The following RAPGEF2 variants were observed in gnomAD, a reference collection of about 807,000 sequenced individuals.
RAPGEF2 encodes the protein PDZ domain containing guanine nucleotide exchange factor (GEF) 1.
Under a neutral mutation model 186.7 loss-of-function variants are expected in RAPGEF2, and 54 were observed. The observed-to-expected ratio is 0.29, with a 90% CI of 0.23 to 0.36. The LOEUF (loss-of-function observed/expected upper bound fraction) is 0.36. Among genes scored for constraint, RAPGEF2 ranks in the 10% least tolerant of loss-of-function variants. RAPGEF2 has a pLI of 1.00. For missense variants in RAPGEF2, 1,532 were observed against 2,045.0 expected, an observed-to-expected ratio of 0.75 and a Z score of 4.84; for synonymous variants, 712 against 705.9, an observed-to-expected ratio of 1.01 and a Z score of -0.14.
chr4:159,308,239 A>G (rs989986004), intron 8 of RAPGEF2, among the ~76,000 whole-genome samples: 5 of 152,172 alleles, frequency 3.3e-5, no homozygotes, highest in Non-Finnish European at 5.9e-5. Context: ...GCATCATTTC[A>G]GTTGCTTAAG....
chr4:159,358,336 C>T lies in RAPGEF2; in HGVS notation c.*197C>T. 1 of 562,136 alleles carries T rather than the reference C, an allele frequency of 1.8e-6. No homozygotes were observed. The highest frequency in any genetic ancestry group is 3.1e-6 in the Non-Finnish European group (1 of 320,400). 34.8% of individuals were successfully genotyped at this position (562,136 alleles called of 1,614,324 possible). On this transcript the variant is annotated 3_prime_UTR_variant, in exon 30 of 30. Transcript: ENST00000691494. ...CATGTGAAATACTGTGAAGAAATTG[C>T]CCTGGCACTTTTCAGACTTTGTTGC... is the stretch of plus-strand genomic sequence containing the variant.
chr4:159,288,122 G>A (rs541117201), intron 7 of RAPGEF2, among the ~76,000 whole-genome samples: 96 of 152,290 alleles, frequency 6.3e-4, no homozygotes, highest in Non-Finnish European at 1.9e-4. Context: ...AACTAGCCAT[G>A]TATTCTCTCT....
At chr4:159,124,939 T>C (rs1740123771) in intron 1 of RAPGEF2, among the ~76,000 whole-genome samples, 1 of 152,228 alleles carries the variant, frequency 6.6e-6, no homozygotes, top group Non-Finnish European at 1.5e-5. Flanking sequence ...GATCATACAC[T>C]TTTGCTTATG....
intron 1 of RAPGEF2, among the ~76,000 whole-genome samples, chr4:159,161,669 G>A (rs1486975669): frequency 1.3e-5 from 2 of 152,092 alleles, no homozygotes; most frequent in Admixed American, 6.6e-5. Flanking sequence ...CCATGATCAC[G>A]CCACTGCACT....
chr4:159,208,933 C>T (rs1271442745), intron 3 of RAPGEF2, among the ~76,000 whole-genome samples: 2 of 151,940 alleles, frequency 1.3e-5, no homozygotes, highest in East Asian at 3.8e-4. Flanking sequence ...CCATGGCACC[C>T]AGGCTGGAGT....
intron 3 of RAPGEF2, among the ~76,000 whole-genome samples, chr4:159,203,368 G>T (rs1749645120): frequency 6.6e-6 from 1 of 152,100 alleles, no homozygotes; most frequent in Non-Finnish European, 1.5e-5. Flanking sequence ...ATATATTGGG[G>T]GTACTTAAGA....
At chr4:159,280,714 G>A (rs1759574424) in intron 7 of RAPGEF2, among the ~76,000 whole-genome samples, 1 of 152,154 alleles carries the variant, frequency 6.6e-6, no homozygotes, top group South Asian at 2.1e-4. Flanking sequence ...AGAACAAACT[G>A]GATCTATATT....
chr4:159,164,637 A>C (rs1473283230), intron 1 of RAPGEF2, among the ~76,000 whole-genome samples: 10 of 152,160 alleles, frequency 6.6e-5, no homozygotes, highest in African/African-American at 2.4e-4. Flanking sequence ...ATTGTTGATA[A>C]ATCATTTATA....
chr4:159,217,007 A>G (rs1751052311), intron 4 of RAPGEF2, among the ~76,000 whole-genome samples: 1 of 151,892 alleles, frequency 6.6e-6, no homozygotes, highest in African/African-American at 2.4e-5. Context: ...TCGCAGGCCT[A>G]CTTTCTGCTT....
chr4:159,234,848 C>CT (rs1753059489), intron 4 of RAPGEF2, among the ~76,000 whole-genome samples: 1 of 152,178 alleles, frequency 6.6e-6, no homozygotes, highest in South Asian at 2.1e-4. Flanking sequence ...TGACCTCCGT[C>CT]TCCTGAGTTC....
chr4:159,332,728 A>C, intron 17 of RAPGEF2, 31 bp downstream of exon 17: 1 of 1,600,574 alleles, frequency 6.2e-7, no homozygotes, highest in Non-Finnish European at 8.5e-7. Flanking sequence ...TCTGTGCATT[A>C]TTTTATTTTG....
rs1455086638 is a variant in RAPGEF2, at chr4:159,313,543, TA to T, written c.676-1047del. The stretch of plus-strand genomic sequence containing the variant: ...TATCAAAGTCAGTATTTTATATTTT[TA>T]TCTTTCTTTTAAAAAATATTTTTTT... On this transcript the variant is annotated intron_variant, in intron 8 of 29. Transcript: ENST00000691494. 2.0e-5 allele frequency among the ~76,000 whole-genome samples: 3 copies of T among 152,262 alleles called. No individual in the cohort carries two copies. The East Asian group carries it at 5.8e-4, about 29-fold the overall frequency.
At chr4:159,312,692 T>A (rs1764091332) in intron 8 of RAPGEF2, among the ~76,000 whole-genome samples, 1 of 152,240 alleles carries the variant, frequency 6.6e-6, no homozygotes, top group South Asian at 2.1e-4. Flanking sequence ...GTTTCTTTTT[T>A]AAATAATATA....
At chr4:159,106,341 G>A (rs894699711) in intron 1 of RAPGEF2, among the ~76,000 whole-genome samples, 15 of 152,086 alleles carry the variant, frequency 9.9e-5, no homozygotes, top group Non-Finnish European at 1.6e-4. Flanking sequence ...TGTTCGAAAT[G>A]TGAACGTTTT....
At chr4:159,321,228 A>G (rs1418452403) in intron 9 of RAPGEF2, among the ~76,000 whole-genome samples, 1 of 147,854 alleles carries the variant, frequency 6.8e-6, no homozygotes, top group Non-Finnish European at 1.5e-5. Flanking sequence ...TTTTTAAGAG[A>G]CAGAGTCTCA....
At chr4:159,206,262 T>A (rs1213471657) in intron 3 of RAPGEF2, among the ~76,000 whole-genome samples, 20 of 152,212 alleles carry the variant, frequency 1.3e-4, no homozygotes, top group Non-Finnish European at 1.5e-5. Flanking sequence ...GCCTATATTA[T>A]AACAAACTGT....
At position 159,358,514 on chromosome 4, in the gene RAPGEF2, T is replaced by C. The variant is rs1279496121; in HGVS notation, c.*375T>C. 1 of 210,086 alleles carries C rather than the reference T, an allele frequency of 4.8e-6. No homozygotes were observed. The highest frequency in any genetic ancestry group is 9.4e-6 in the Non-Finnish European group (1 of 106,880). The allele number at this position is 210,086 out of a possible 1,614,324, so 13.0% of individuals were successfully genotyped here. On this transcript the variant is annotated 3_prime_UTR_variant, in exon 30 of 30. Coordinates refer to ENST00000691494, the MANE Select transcript of RAPGEF2 (RefSeq NM_001394067.2). ...GAAGGATTTTTTTTAATCTTCCTTT[T>C]AGATTTCAATCCAGTCCTAGCACTT...
rs1455556531 is a variant in RAPGEF2, at chr4:159,332,507, C to G, written c.1945C>G (p.Leu649Val). Residue 649 changes from leucine (L) to valine (V), a missense_variant, in exon 17 of 30, where the codon CTT becomes GTT. Leu to Val is a conservative substitution (Grantham distance 32). This residue lies in a region of RAPGEF2 where 810 missense variants were observed against 1,210.5 expected (regional missense o/e 0.67). Transcript: ENST00000691494. The stretch of plus-strand genomic sequence containing the variant: ...AGAGAAAAGAAATGGTGCCCCCCAC[C>G]TTCCTAAAATTGGTGACATTAAAAA... ...SEEKRNGAPHLPKIGDIKKAS... is the reference protein window; with the variant it reads ...SEEKRNGAPHVPKIGDIKKAS... The G allele has an allele frequency of 3.1e-6, 5 of 1,614,004 alleles. No homozygotes were observed. The highest frequency in any genetic ancestry group is 4.2e-6 in the Non-Finnish European group (5 of 1,179,934).
chr4:159,142,438 A>G (rs1000947005), intron 1 of RAPGEF2, among the ~76,000 whole-genome samples: 4 of 151,926 alleles, frequency 2.6e-5, no homozygotes, highest in Admixed American at 1.3e-4. Flanking sequence ...TTTCATTTCT[A>G]TGTCTACATT....
Sources: allele counts gnomAD v4.1 joint callset (sites outside exome capture counted in the v4.1 genomes callset), GRCh38; gene constraint gnomAD v4.1.1; regional missense constraint gnomAD v4.1.1; transcripts MANE v1.5; gene names NCBI Gene and HGNC (gene_info 2026-07-23, HGNC 2026-07-21).